The following L3MBTL3 variants were observed in gnomAD, a reference collection of about 807,000 sequenced individuals.
L3MBTL3 encodes lethal(3)malignant brain tumor-like protein 3.
L3MBTL3 carries 27 observed loss-of-function variants against 102.3 expected under a neutral mutation model. That is an observed-to-expected ratio of 0.26 (90% CI 0.19 to 0.36). L3MBTL3 has a LOEUF of 0.36. Among genes scored for constraint, L3MBTL3 ranks in the 10% least tolerant of loss-of-function variants. The pLI is 1.00. For synonymous variants in L3MBTL3, 340 were observed against 320.9 expected, an observed-to-expected ratio of 1.06 and a Z score of -0.64; for missense variants, 798 against 955.3, an observed-to-expected ratio of 0.84 and a Z score of 2.17.
At chr6:130,099,510 T>A (rs902782592) in intron 18 of L3MBTL3, among the ~76,000 whole-genome samples, 9 of 152,182 alleles carry the variant, frequency 5.9e-5, no homozygotes, top group Non-Finnish European at 1.0e-4. Context: ...TATCTGTACA[T>A]AACAGAACAA....
At chr6:130,089,901 A>T (rs1424166962) in intron 16 of L3MBTL3, among the ~76,000 whole-genome samples, 12 of 151,246 alleles carry the variant, frequency 7.9e-5, no homozygotes, top group Admixed American at 2.0e-4. Flanking sequence ...AAAATTTTAC[A>T]TCAACACTCT....
chr6:130,079,813 G>A (rs1423744056), intron 14 of L3MBTL3, among the ~76,000 whole-genome samples: 1 of 152,122 alleles, frequency 6.6e-6, no homozygotes, highest in Admixed American at 6.5e-5. Flanking sequence ...TCACTCAGGA[G>A]GACCTATCAT....
chr6:130,066,246 T>G, intron 10 of L3MBTL3, 107 bp from the exon 11 acceptor site: 1 of 364,008 alleles, frequency 2.7e-6, no homozygotes, highest in Non-Finnish European at 4.6e-6. Flanking sequence ...TTGATTAACA[T>G]TAAGACTATA....
At chr6:130,061,282 G>A (rs973831542) in intron 10 of L3MBTL3, among the ~76,000 whole-genome samples, 2 of 151,886 alleles carry the variant, frequency 1.3e-5, no homozygotes, top group East Asian at 3.9e-4. Flanking sequence ...ATGAGGTTTC[G>A]CCATGTTGGC....
intron 7 of L3MBTL3, 32 bp from the exon 8 acceptor site, chr6:130,055,139 T>G: frequency 6.4e-7 from 1 of 1,570,278 alleles, no homozygotes; most frequent in Non-Finnish European, 8.8e-7. Flanking sequence ...TTTCTTGAAC[T>G]TTAAAGTCAT....
At chr6:130,023,054 T>C (rs1779110569) in intron 2 of L3MBTL3, among the ~76,000 whole-genome samples, 1 of 152,092 alleles carries the variant, frequency 6.6e-6, no homozygotes, top group Non-Finnish European at 1.5e-5. Context: ...TTCTACTGTT[T>C]ATACCTTTTT....
Position 130,048,941 on chromosome 6 carries a change from A to AACACACACACAC in L3MBTL3, c.103-323_103-312dup, listed in dbSNP as rs6149808. Among the ~76,000 whole-genome samples the AACACACACACAC allele has an allele frequency of 5.0e-3, 390 of 78,508 alleles. 3 individuals are homozygous for AACACACACACAC. The highest frequency in any genetic ancestry group is 7.9e-3 in the African/African-American group (275 of 34,740). 51.5% of individuals were successfully genotyped at this position (78,508 alleles called of 152,430 possible). A position where few individuals can be genotyped will look rare whatever the true frequency, so the allele number is the denominator to read the frequency against. On this transcript the variant is annotated intron_variant, in intron 3 of 22. Coordinates refer to ENST00000361794, the MANE Select transcript of L3MBTL3 (RefSeq NM_032438.4). ...GTAAGAAAAAATAAGTCTTAGTTAA[A>AACACACACACAC]ACACACACACACACACACACACACA...
chr6:130,020,951 T>TCTA, intron 1 of L3MBTL3, among the ~76,000 whole-genome samples: 1 of 151,198 alleles, frequency 6.6e-6, no homozygotes, highest in Middle Eastern at 3.4e-3. Context: ...AATTGTTAGG[T>TCTA]TAGGGGAAAC....
At chr6:130,114,244 G>A (rs1267841001) in intron 19 of L3MBTL3, among the ~76,000 whole-genome samples, 1 of 152,118 alleles carries the variant, frequency 6.6e-6, no homozygotes, top group African/African-American at 2.4e-5. Context: ...TGACACCAAG[G>A]CAGCCATTCA....
chr6:130,124,154 T>G (rs1786437150), intron 20 of L3MBTL3, among the ~76,000 whole-genome samples: 1 of 152,086 alleles, frequency 6.6e-6, no homozygotes, highest in Admixed American at 6.6e-5. Flanking sequence ...GAACCAGGCT[T>G]TTGTATCTCT....
At chr6:130,054,953 C>T (rs1334923389) in intron 7 of L3MBTL3, 1 of 484,454 alleles carries the variant, frequency 2.1e-6, no homozygotes, top group Non-Finnish European at 3.8e-6. Context: ...GTGTCCATGC[C>T]CTTCCAACCG....
At chr6:130,120,453 C>T (rs774537837) in intron 19 of L3MBTL3, among the ~76,000 whole-genome samples, 3 of 152,196 alleles carry the variant, frequency 2.0e-5, no homozygotes, top group Non-Finnish European at 4.4e-5. Context: ...CCAAGCCAGT[C>T]TTAGCCTCCA....
chr6:130,112,773 C>T (rs1262065981), intron 19 of L3MBTL3, among the ~76,000 whole-genome samples: 2 of 152,140 alleles, frequency 1.3e-5, no homozygotes, highest in East Asian at 1.9e-4. Context: ...CCTACAGAGA[C>T]TTGTCAAATG....
intron 17 of L3MBTL3, among the ~76,000 whole-genome samples, chr6:130,093,069 G>A (rs539463392): frequency 6.6e-6 from 1 of 152,236 alleles, no homozygotes; most frequent in East Asian, 1.9e-4. Context: ...AGCGTGTATA[G>A]ACATTCTGTT....
At chr6:130,078,808 T>C (rs1040557816) in intron 14 of L3MBTL3, among the ~76,000 whole-genome samples, 174 bp downstream of exon 14, 1 of 152,198 alleles carries the variant, frequency 6.6e-6, no homozygotes, top group African/African-American at 2.4e-5. Context: ...GGTAAACCAA[T>C]GTGCATGGGT....
At chr6:130,040,803 A>T (rs746931618) in intron 2 of L3MBTL3, among the ~76,000 whole-genome samples, 1 of 152,248 alleles carries the variant, frequency 6.6e-6, no homozygotes, top group Non-Finnish European at 1.5e-5. Flanking sequence ...ATGTCAAAGT[A>T]CTTCCCATTT....
At chr6:130,027,767 G>T (rs766805944) in intron 2 of L3MBTL3, among the ~76,000 whole-genome samples, 1 of 152,108 alleles carries the variant, frequency 6.6e-6, no homozygotes, top group East Asian at 1.9e-4. Flanking sequence ...AAGAACAAGA[G>T]AGTACTTTTA....
chr6:130,139,651 C>T lies in L3MBTL3; in HGVS notation c.2241C>T (p.Asp747=). The T allele has an allele frequency of 2.5e-6, 4 of 1,613,018 alleles. No homozygotes were observed. Among genetic ancestry groups the T allele is most frequent in the Non-Finnish European group, 3.4e-6 (4 of 1,179,152 alleles). The change falls in exon 23 of 23, where the codon GAC becomes GAT. Residue 747 remains aspartate, a synonymous_variant. Coordinates refer to ENST00000361794, the MANE Select transcript of L3MBTL3 (RefSeq NM_032438.4). The part of the protein sequence containing the change: ...GEAFLLMTQT[D]IVKIMSIKLG... Reference sequence around the variant, plus strand: ...CATTTCTACTTATGACTCAAACAGACATTGTTAAAATTATGAGCATTAAAC... The same window carrying T: ...CATTTCTACTTATGACTCAAACAGATATTGTTAAAATTATGAGCATTAAAC...
intron 20 of L3MBTL3, among the ~76,000 whole-genome samples, chr6:130,121,929 C>G (rs764729547): frequency 5.9e-5 from 9 of 152,106 alleles, no homozygotes; most frequent in Non-Finnish European, 1.3e-4. Context: ...GCCTGTAGTC[C>G]CAGCTACTCG....
Sources: gnomAD v4.1 joint callset for allele counts (sites outside exome capture counted in the v4.1 genomes callset) on GRCh38, gnomAD v4.1.1 for gene constraint, MANE v1.5 for transcripts, NCBI Gene and HGNC (gene_info 2026-07-23, HGNC 2026-07-21) for gene names.